CPEB2: variants seen among roughly 807,000 people sequenced by gnomAD.
The protein encoded by CPEB2 is cytoplasmic polyadenylation element-binding protein 2.
In CPEB2, 56 loss-of-function variants were observed where a neutral mutation model predicts 93.6. The ratio of observed to expected loss-of-function variants is 0.60; its 90% CI spans 0.48 to 0.75. CPEB2 has a LOEUF of 0.75. Ranked by LOEUF, CPEB2 falls within the 30% of genes least tolerant of loss-of-function variation. CPEB2 has a pLI of 0.00. For synonymous variants in CPEB2, 764 were observed against 586.3 expected (o/e 1.30, Z -4.38); for missense variants, 1,579 against 1,395.1 (o/e 1.13, Z -2.10).
chr4:15,006,574 G>C (rs1049758144), intron 1 of CPEB2: 1 of 152,176 alleles, frequency 6.6e-6, no homozygotes, highest in Non-Finnish European at 1.5e-5. Context: ...AAGATCTCTA[G>C]TGGAATAATC....
chr4:15,046,049 C>A (rs187780358), intron 6 of CPEB2, among the ~76,000 whole-genome samples: 16 of 152,272 alleles, frequency 1.1e-4, no homozygotes, highest in Admixed American at 9.8e-4. Context: ...TATGAATAAA[C>A]CTTCCATGAA....
intron 6 of CPEB2, among the ~76,000 whole-genome samples, chr4:15,041,566 C>G (rs1207265158): frequency 6.6e-6 from 1 of 152,032 alleles, no homozygotes; most frequent in Non-Finnish European, 1.5e-5. Context: ...CCACACCCAG[C>G]TAAATTTTTT....
chr4:15,049,570 T>G (rs1728028639), intron 6 of CPEB2, among the ~76,000 whole-genome samples: 1 of 152,198 alleles, frequency 6.6e-6, no homozygotes, highest in Non-Finnish European at 1.5e-5. Flanking sequence ...ATATTATTTT[T>G]AGTGGACCTT....
intron 3 of CPEB2, among the ~76,000 whole-genome samples, chr4:15,013,459 G>C (rs1723742285): frequency 6.6e-6 from 1 of 151,938 alleles, no homozygotes; most frequent in South Asian, 2.1e-4. Context: ...ATGATAATTA[G>C]TATTGTTGCG....
rs915560460 is a variant in CPEB2, at chr4:15,026,424, C to T, written c.2126-6737C>T. Among the ~76,000 whole-genome samples the T allele has an allele frequency of 3.3e-5, 5 of 152,202 alleles. No homozygotes were observed. The South Asian group carries it at 6.2e-4, about 19-fold the overall frequency. On this transcript the variant is annotated intron_variant, in intron 4 of 11. Coordinates refer to ENST00000538197, the MANE Select transcript of CPEB2 (RefSeq NM_001177382.2). Reference sequence around the variant, plus strand: ...TGTATTTTTAGTAGAGATGGGGTTTCACCATGTTAGCCAGGATGGTCTTGA... The same window carrying T: ...TGTATTTTTAGTAGAGATGGGGTTTTACCATGTTAGCCAGGATGGTCTTGA...
At chr4:15,005,567 C>G (rs1443397229) in intron 1 of CPEB2, among the ~76,000 whole-genome samples, 2 of 152,104 alleles carry the variant, frequency 1.3e-5, no homozygotes, top group Non-Finnish European at 2.9e-5. Context: ...CTGTTTAAGT[C>G]CATTTTCTAT....
chr4:15,016,830 T>A (rs954793243), intron 3 of CPEB2, among the ~76,000 whole-genome samples: 8 of 151,986 alleles, frequency 5.3e-5, no homozygotes, highest in Admixed American at 3.3e-4. Context: ...TTCCTAAATA[T>A]GTGAGAAAAG....
At position 15,058,546 on chromosome 4, in the gene CPEB2, A is replaced by G; in HGVS notation, c.2580+7A>G. 1 of 1,460,674 alleles carries G rather than the reference A, an allele frequency of 6.8e-7. No individual in the cohort carries two copies. Among genetic ancestry groups the G allele is most frequent in the African/African-American group, 1.4e-5 (1 of 71,308 alleles). The allele number at this position is 1,460,674 out of a possible 1,614,324, so 90.5% of individuals were successfully genotyped here. A position where few individuals can be genotyped will look rare whatever the true frequency, so the allele number is the denominator to read the frequency against. The stretch of plus-strand genomic sequence containing the variant: ...TACTATCAAGGACAAACCAGTAAGT[A>G]AATACCACATGAACTTCAGGCTACA... On this transcript the variant is annotated splice_region_variant and intron_variant, in intron 9 of 11. Coordinates refer to ENST00000538197, the MANE Select transcript of CPEB2 (RefSeq NM_001177382.2).
intron 7 of CPEB2, among the ~76,000 whole-genome samples, chr4:15,053,292 A>T (rs1728410379): frequency 6.6e-6 from 1 of 152,154 alleles, no homozygotes; most frequent in South Asian, 2.1e-4. Context: ...CTGGGATTAC[A>T]GGCATGAGCC....
chr4:15,051,757 G>A lies in CPEB2; in HGVS notation c.2201-657G>A, dbSNP rs1728245168. ...TATATCAGGGCATTTAAGTTTTGTGGAGGGATTACCCACAGAGTGGGGATT... is the reference window on the plus strand; with the variant it reads ...TATATCAGGGCATTTAAGTTTTGTGAAGGGATTACCCACAGAGTGGGGATT... On this transcript the variant is annotated intron_variant, in intron 6 of 11. Coordinates refer to ENST00000538197, the MANE Select transcript of CPEB2 (RefSeq NM_001177382.2). 2.0e-5 allele frequency among the ~76,000 whole-genome samples: 3 copies of A among 152,306 alleles called. No individual in the cohort carries two copies. In the South Asian group the frequency reaches 6.2e-4, roughly 32 times the overall value.
intron 6 of CPEB2, among the ~76,000 whole-genome samples, chr4:15,046,633 T>C (rs1422953453): frequency 1.3e-5 from 2 of 152,202 alleles, no homozygotes; most frequent in Non-Finnish European, 2.9e-5. Flanking sequence ...CACCTTTTCA[T>C]GTGCTTCTAA....
At chr4:15,062,297 A>G (rs1444718553) in intron 11 of CPEB2, 37 bp downstream of exon 11, 2 of 1,526,186 alleles carry the variant, frequency 1.3e-6, no homozygotes, top group Non-Finnish European at 1.8e-6. Flanking sequence ...ATGTCCTATA[A>G]TAAGGTGCTG....
At chr4:15,063,500 G>C (rs1360415800) in intron 11 of CPEB2, among the ~76,000 whole-genome samples, 1 of 151,970 alleles carries the variant, frequency 6.6e-6, no homozygotes, top group Non-Finnish European at 1.5e-5. Context: ...TTATTCACCT[G>C]GGAACTTAGA....
In CPEB2 at chr4:15,054,140, C is replaced by T; in HGVS notation, c.2384C>T (p.Ala795Val). 6.2e-7 allele frequency: 1 copy of T among 1,607,740 alleles called. No homozygotes were observed. The highest frequency in any genetic ancestry group is 8.5e-7 in the Non-Finnish European group (1 of 1,176,806). ...PPDIDEDEIT[A>V]SFRRFGPLVV... ...GTACTTTCTTAAGATGAAATAACTGCTAGCTTCAGAAGATTTGGGCCTTTG... is the reference window on the plus strand; with the variant it reads ...GTACTTTCTTAAGATGAAATAACTGTTAGCTTCAGAAGATTTGGGCCTTTG... The change falls in exon 8 of 12, where the codon GCT becomes GTT. Residue 795 changes from alanine (A) to valine (V), a missense_variant. Transcript: ENST00000538197.
chr4:15,037,031 A>C (rs1263789101), intron 5 of CPEB2, among the ~76,000 whole-genome samples: 4 of 152,032 alleles, frequency 2.6e-5, no homozygotes, highest in Non-Finnish European at 5.9e-5. Context: ...GCCCGGGCGC[A>C]ATGGCTCACG....
At chr4:15,019,524 C>G (rs1265837052) in intron 4 of CPEB2, among the ~76,000 whole-genome samples, 2 of 151,908 alleles carry the variant, frequency 1.3e-5, no homozygotes, top group Non-Finnish European at 2.9e-5. Flanking sequence ...CATTACTGTT[C>G]TTGAGGGCAG....
intron 5 of CPEB2, among the ~76,000 whole-genome samples, chr4:15,035,300 T>G (rs1173640327): frequency 6.6e-6 from 1 of 152,074 alleles, no homozygotes; most frequent in African/African-American, 2.4e-5. Flanking sequence ...TAAACCCAGG[T>G]TGGCTTTTTC....
In CPEB2 at chr4:15,003,890, C is replaced by T. The variant is rs1722386128; in HGVS notation, c.1217C>T (p.Pro406Leu). The T allele has an allele frequency of 6.8e-6, 6 of 883,450 alleles. No homozygotes were observed. The highest frequency in any genetic ancestry group is 8.9e-6 in the Non-Finnish European group (6 of 671,316). The allele number at this position is 883,450 out of a possible 1,614,324, so 54.7% of individuals were successfully genotyped here. A position where few individuals can be genotyped will look rare whatever the true frequency, so the allele number is the denominator to read the frequency against. Residue 406 changes from proline (P) to leucine (L), a missense_variant, in exon 1 of 12, where the codon CCG becomes CTG. Transcript: ENST00000538197. ...QPPPTQPQQQ[P>L]PPPQQPPQPQ... is the part of the protein sequence containing the mutation. ...CCGCCGACCCAGCCGCAGCAGCAGC[C>T]GCCGCCACCCCAGCAGCCGCCCCAG...
At chr4:15,020,188 G>C (rs1462041202) in intron 4 of CPEB2, among the ~76,000 whole-genome samples, 1 of 152,010 alleles carries the variant, frequency 6.6e-6, no homozygotes, top group East Asian at 1.9e-4. Flanking sequence ...CTATGTCCTA[G>C]CCTTAGAAGT....
Sources: allele counts gnomAD v4.1 joint callset (sites outside exome capture counted in the v4.1 genomes callset), GRCh38; gene constraint gnomAD v4.1.1; transcripts MANE v1.5; gene names NCBI Gene and HGNC (gene_info 2026-07-23, HGNC 2026-07-21).